GPC5: variants seen among roughly 807,000 people sequenced by gnomAD.
The protein encoded by GPC5 is glypican 5.
A neutral mutation model predicts 53.9 loss-of-function variants in GPC5; 47 were observed. The ratio of observed to expected loss-of-function variants is 0.87; its 90% CI spans 0.69 to 1.11. The LOEUF is 1.11. Ranked by LOEUF, GPC5 falls within the 50% of genes most tolerant of loss-of-function variation. The pLI is 0.00. For synonymous variants in GPC5, 286 were observed against 263.3 expected (o/e 1.09, Z -0.84); for missense variants, 748 against 713.1 (o/e 1.05, Z -0.56).
In GPC5 at chr13:91,678,767, T is replaced by C. The variant is rs376812356; in HGVS notation, c.326-14420T>C. Among the ~76,000 whole-genome samples the C allele has an allele frequency of 6.6e-5, 10 of 152,044 alleles. No homozygotes were observed. The East Asian group carries it at 9.7e-4, about 15-fold the overall frequency. On this transcript the variant is annotated intron_variant, in intron 2 of 7. Coordinates refer to ENST00000377067, the MANE Select transcript of GPC5 (RefSeq NM_004466.6). ...TTTTTTTGTACATTTGTGGATCCTA[T>C]AGAGCTGACTTTAAAGGAAAAGATT...
intron 6 of GPC5, among the ~76,000 whole-genome samples, chr13:92,026,674 A>C (rs1439824175): frequency 1.3e-5 from 2 of 152,088 alleles, no homozygotes; most frequent in African/African-American, 4.8e-5. Context: ...TCTAGTGAGA[A>C]TATGTTGTTA....
intron 6 of GPC5, among the ~76,000 whole-genome samples, chr13:92,121,250 C>T (rs2041646658): frequency 6.6e-6 from 1 of 152,106 alleles, no homozygotes; most frequent in African/African-American, 2.4e-5. Context: ...GCTCCAGAGC[C>T]AATGGGCTTA....
chr13:92,766,679 A>T (rs1336887089), intron 7 of GPC5, among the ~76,000 whole-genome samples: 1 of 152,248 alleles, frequency 6.6e-6, no homozygotes, highest in Non-Finnish European at 1.5e-5. Flanking sequence ...CCAGGTGGGA[A>T]TACTAGAAAC....
chr13:92,630,598 G>C (rs759270344), intron 7 of GPC5, among the ~76,000 whole-genome samples: 33 of 152,028 alleles, frequency 2.2e-4, no homozygotes, highest in Non-Finnish European at 4.4e-4. Flanking sequence ...TGTAGATGAC[G>C]GGTTGATGGG....
At chr13:92,818,916 G>T (rs1877580845) in intron 7 of GPC5, among the ~76,000 whole-genome samples, 1 of 152,010 alleles carries the variant, frequency 6.6e-6, no homozygotes, top group Non-Finnish European at 1.5e-5. Flanking sequence ...CATAGTGAAA[G>T]AGATAGATTA....
intron 6 of GPC5, among the ~76,000 whole-genome samples, chr13:92,086,890 C>A (rs372160196): frequency 3.3e-5 from 5 of 152,252 alleles, no homozygotes; most frequent in African/African-American, 1.2e-4. Context: ...AACTCCTGAC[C>A]TCAGGTGATC....
intron 2 of GPC5, among the ~76,000 whole-genome samples, chr13:91,681,057 G>A (rs9589331): frequency 0.021 from 3,195 of 151,958 alleles, 106 homozygotes; most frequent in African/African-American, 0.069. Flanking sequence ...GTAGCCCACC[G>A]CAATACAAGC....
chr13:91,445,087 T>C (rs79010785), intron 1 of GPC5, among the ~76,000 whole-genome samples: 5,450 of 152,296 alleles, frequency 0.036, 144 homozygotes, highest in Middle Eastern at 0.068. Context: ...TTTTCCCTTC[T>C]TCACGGTTTC....
intron 7 of GPC5, among the ~76,000 whole-genome samples, chr13:92,505,750 C>T (rs904506765): frequency 1.3e-5 from 2 of 152,066 alleles, no homozygotes; most frequent in African/African-American, 4.8e-5. Context: ...TATGATACAT[C>T]CCGACTATAG....
At chr13:91,934,202 A>G (rs2039848760) in intron 6 of GPC5, among the ~76,000 whole-genome samples, 1 of 152,008 alleles carries the variant, frequency 6.6e-6, no homozygotes, top group South Asian at 2.1e-4. Flanking sequence ...AAAATGGGAA[A>G]AATCAGAAGT....
At chr13:91,756,256 A>T in intron 4 of GPC5, 39 bp from the exon 5 acceptor site, 3 of 1,437,228 alleles carry the variant, frequency 2.1e-6, no homozygotes, top group Non-Finnish European at 2.8e-6. Flanking sequence ...TTTATTGTGG[A>T]TGTTTGGTTT....
At position 91,600,269 on chromosome 13, in the gene GPC5, G is replaced by C. The variant is rs150191092; in HGVS notation, c.326-92918G>C. Among the ~76,000 whole-genome samples the C allele has an allele frequency of 6.6e-3, 1,003 of 151,420 alleles. 4 individuals carry two copies. The highest frequency in any genetic ancestry group is 0.013 in the African/African-American group (548 of 41,150). On this transcript the variant is annotated intron_variant, in intron 2 of 7. Transcript: ENST00000377067. Reference sequence around the variant, plus strand: ...CTACTTGATCTAGCAAAAATCTATAGATACATTAGATTTATCATGGTAATC... The same window carrying C: ...CTACTTGATCTAGCAAAAATCTATACATACATTAGATTTATCATGGTAATC...
chr13:92,392,221 C>T (rs748992420), intron 7 of GPC5, among the ~76,000 whole-genome samples: 1 of 152,078 alleles, frequency 6.6e-6, no homozygotes, highest in Non-Finnish European at 1.5e-5. Flanking sequence ...AATTCTTAAC[C>T]TTGTCTTGTG....
intron 6 of GPC5, among the ~76,000 whole-genome samples, chr13:91,977,475 G>A (rs1023701749): frequency 1.3e-5 from 2 of 152,108 alleles, no homozygotes; most frequent in Middle Eastern, 3.4e-3. Context: ...TGTCATTTAA[G>A]AAAAAATCCC....
chr13:92,076,125 G>C (rs917643427), intron 6 of GPC5, among the ~76,000 whole-genome samples: 11 of 151,562 alleles, frequency 7.3e-5, no homozygotes, highest in Admixed American at 3.3e-4. Flanking sequence ...GCCCAGGCTG[G>C]AGTGCAGTGG....
rs916710278 is a variant in GPC5, at chr13:91,589,171, G to GA, written c.326-104015dup. On this transcript the variant is annotated intron_variant, in intron 2 of 7. Coordinates refer to ENST00000377067, the MANE Select transcript of GPC5 (RefSeq NM_004466.6). ...TTCCTACCCTTGATAGCTCCTCACT[G>GA]ACTTTCTCTTTCAAACTGTTTTTTT... Among the ~76,000 whole-genome samples the GA allele has an allele frequency of 1.7e-4, 25 of 150,148 alleles. No individual in the cohort carries two copies. The South Asian group carries it at 4.8e-3, about 29-fold the overall frequency.
At chr13:92,407,992 C>T (rs1306001244) in intron 7 of GPC5, among the ~76,000 whole-genome samples, 1 of 152,156 alleles carries the variant, frequency 6.6e-6, no homozygotes, top group South Asian at 2.1e-4. Flanking sequence ...CCAGGGGTCC[C>T]CAAGCCATGG....
At chr13:92,605,701 T>C (rs1007426526) in intron 7 of GPC5, among the ~76,000 whole-genome samples, 2 of 151,968 alleles carry the variant, frequency 1.3e-5, no homozygotes, top group African/African-American at 4.8e-5. Context: ...GCCATTCTCC[T>C]GCCTCAGCCT....
chr13:92,335,958 T>C (rs1231898147), intron 7 of GPC5, among the ~76,000 whole-genome samples: 1 of 152,216 alleles, frequency 6.6e-6, no homozygotes, highest in South Asian at 2.1e-4. Flanking sequence ...TCCTATCTTC[T>C]TCTGAGCCCT....
Sources: gnomAD v4.1 joint callset for allele counts (sites outside exome capture counted in the v4.1 genomes callset) on GRCh38, gnomAD v4.1.1 for gene constraint, MANE v1.5 for transcripts, NCBI Gene and HGNC (gene_info 2026-07-23, HGNC 2026-07-21) for gene names.